SMAP1: variants seen among roughly 807,000 people sequenced by gnomAD.
SMAP1 encodes the protein stromal membrane-associated protein 1.
A neutral mutation model predicts 58.5 loss-of-function variants in SMAP1; 24 were observed. The observed-to-expected ratio is 0.41, with a 90% CI of 0.30 to 0.58. The LOEUF (loss-of-function observed/expected upper bound fraction) is 0.58, where lower values mean the gene tolerates loss of function less well. SMAP1 is among the 20% of genes least tolerant of loss of function. The probability of loss-of-function intolerance (pLI) is 0.29; values close to 1 mark genes in which losing one functional copy is unlikely to be tolerated. For missense variants in SMAP1, 563 were observed against 566.3 expected, an observed-to-expected ratio of 0.99 and a Z score of 0.06; for synonymous variants, 216 against 196.6, an observed-to-expected ratio of 1.10 and a Z score of -0.82.
intron 1 of SMAP1, among the ~76,000 whole-genome samples, chr6:70,706,721 C>T (rs548490924): frequency 1.1e-4 from 17 of 152,260 alleles, no homozygotes; most frequent in African/African-American, 4.1e-4. Context: ...CCAGATGGCG[C>T]TCTCTATTAA....
At chr6:70,813,068 A>G (rs975720523) in intron 6 of SMAP1, among the ~76,000 whole-genome samples, 2 of 151,958 alleles carry the variant, frequency 1.3e-5, no homozygotes. Context: ...CACTTTTAAC[A>G]TTTTAGTTGT....
At chr6:70,734,181 T>A (rs1023946360) in intron 2 of SMAP1, among the ~76,000 whole-genome samples, 1 of 152,010 alleles carries the variant, frequency 6.6e-6, no homozygotes, top group Non-Finnish European at 1.5e-5. Context: ...TCACTCATGC[T>A]ATTGCTCAGG....
intron 1 of SMAP1, among the ~76,000 whole-genome samples, chr6:70,716,011 TC>T (rs773111823): frequency 9.2e-5 from 14 of 152,188 alleles, no homozygotes; most frequent in Non-Finnish European, 1.8e-4. Flanking sequence ...CTGAATTACT[TC>T]ACTTAGAAAA....
intron 3 of SMAP1, among the ~76,000 whole-genome samples, chr6:70,757,189 G>A (rs980951186): frequency 6.6e-6 from 1 of 150,574 alleles, no homozygotes; most frequent in African/African-American, 2.4e-5. Context: ...CAATGGAACA[G>A]AACAGAGCCC....
At chr6:70,846,596 C>T (rs913331995) in intron 7 of SMAP1, among the ~76,000 whole-genome samples, 5 of 152,136 alleles carry the variant, frequency 3.3e-5, no homozygotes, top group Admixed American at 6.6e-5. Flanking sequence ...CTGACTGACC[C>T]GCTGTGGGTG....
intron 4 of SMAP1, among the ~76,000 whole-genome samples, chr6:70,782,462 G>A (rs1767801522): frequency 6.6e-6 from 1 of 152,128 alleles, no homozygotes; most frequent in African/African-American, 2.4e-5. Context: ...GTTGAACAAA[G>A]AATACTGATA....
rs1013378254 is a variant in SMAP1, at chr6:70,703,478, C to T, written c.119-28900C>T. Among the ~76,000 whole-genome samples the T allele has an allele frequency of 9.9e-5, 15 of 152,246 alleles. No homozygotes were observed. In the East Asian group the frequency reaches 2.5e-3, roughly 25 times the overall value. The stretch of plus-strand genomic sequence containing the variant: ...TTTTTTCTTGGATGCAGTTAAGTTA[C>T]TTGGAAATAGCCTGACTTTTTCAGA... On this transcript the variant is annotated intron_variant, in intron 1 of 10. Transcript: ENST00000370455.
intron 6 of SMAP1, among the ~76,000 whole-genome samples, chr6:70,829,395 G>A (rs1582270431): frequency 6.6e-6 from 1 of 151,956 alleles, no homozygotes; most frequent in South Asian, 2.1e-4. Flanking sequence ...CTACTGTCAC[G>A]TGCCACCTGG....
chr6:70,766,579 T>G (rs1766996619), intron 3 of SMAP1, among the ~76,000 whole-genome samples: 1 of 152,196 alleles, frequency 6.6e-6, no homozygotes, highest in South Asian at 2.1e-4. Flanking sequence ...CTTTGCCCAC[T>G]TTTTGATGGG....
At chr6:70,834,100 A>G (rs1284526635) in intron 6 of SMAP1, among the ~76,000 whole-genome samples, 1 of 152,198 alleles carries the variant, frequency 6.6e-6, no homozygotes, top group Non-Finnish European at 1.5e-5. Context: ...TGGGATTACT[A>G]GAGGACCTCT....
At chr6:70,738,395 T>C (rs569196568) in intron 2 of SMAP1, among the ~76,000 whole-genome samples, 1 of 151,926 alleles carries the variant, frequency 6.6e-6, no homozygotes, top group African/African-American at 2.4e-5. Flanking sequence ...TAAGACAGAT[T>C]TTTTTTTCTG....
chr6:70,825,359 T>G (rs542509967), intron 6 of SMAP1, among the ~76,000 whole-genome samples: 1 of 152,260 alleles, frequency 6.6e-6, no homozygotes, highest in African/African-American at 2.4e-5. Flanking sequence ...GGTTAAAAAC[T>G]CAGGTGTTTG....
chr6:70,695,057 A>G (rs1451502726), intron 1 of SMAP1, among the ~76,000 whole-genome samples: 4 of 152,044 alleles, frequency 2.6e-5, no homozygotes, highest in Non-Finnish European at 4.4e-5. Flanking sequence ...AGCTGTCGTA[A>G]TGGGATTACT....
chr6:70,750,821 G>GT (rs752268814), intron 2 of SMAP1, among the ~76,000 whole-genome samples: 1 of 152,188 alleles, frequency 6.6e-6, no homozygotes, highest in Non-Finnish European at 1.5e-5. Context: ...AATTATAAGG[G>GT]TGGTAAGTTT....
intron 4 of SMAP1, among the ~76,000 whole-genome samples, chr6:70,788,475 A>G (rs1768180906): frequency 6.6e-6 from 1 of 152,090 alleles, no homozygotes. Context: ...ATAAAATAAA[A>G]AAAAACTTAC....
chr6:70,681,243 ACT>A (rs996638341), intron 1 of SMAP1, among the ~76,000 whole-genome samples: 6 of 151,776 alleles, frequency 4.0e-5, no homozygotes, highest in East Asian at 1.9e-4. Context: ...AAATGACGAA[ACT>A]CTGTCTCTAC....
intron 2 of SMAP1, among the ~76,000 whole-genome samples, chr6:70,745,513 G>A (rs997077794): frequency 1.3e-5 from 2 of 152,158 alleles, no homozygotes; most frequent in African/African-American, 2.4e-5. Flanking sequence ...TGAGGCTTCT[G>A]TTCTGTTCCA....
intron 1 of SMAP1, among the ~76,000 whole-genome samples, chr6:70,691,246 C>A (rs1229225047): frequency 6.6e-6 from 1 of 152,098 alleles, no homozygotes; most frequent in Non-Finnish European, 1.5e-5. Flanking sequence ...TTCAAATAAT[C>A]AGTCTTTATT....
At chr6:70,742,217 G>A (rs180767360) in intron 2 of SMAP1, among the ~76,000 whole-genome samples, 5 of 152,228 alleles carry the variant, frequency 3.3e-5, no homozygotes, top group Admixed American at 6.5e-5. Flanking sequence ...CTTTCCTATC[G>A]CATCATCAGA....
Sources: allele counts gnomAD v4.1 joint callset (sites outside exome capture counted in the v4.1 genomes callset), GRCh38; gene constraint gnomAD v4.1.1; transcripts MANE v1.5; gene names NCBI Gene and HGNC (gene_info 2026-07-23, HGNC 2026-07-21).